The following PASD1 variants were observed in gnomAD, a reference collection of about 807,000 sequenced individuals.
PASD1 encodes circadian clock protein PASD1.
PASD1 carries 13 observed loss-of-function variants against 58.8 expected under a neutral mutation model. That is an observed-to-expected ratio of 0.22 (90% confidence interval 0.14 to 0.35). The LOEUF is 0.35. Ranked by LOEUF, PASD1 falls within the 10% of genes least tolerant of loss-of-function variation. The pLI, the probability that PASD1 is intolerant of heterozygous loss-of-function variation, is 1.00. For synonymous variants in PASD1, 236 were observed against 216.7 expected (o/e 1.09, Z -0.78); for missense variants, 734 against 568.3 (o/e 1.29, Z -2.96).
chrX:151,643,784 T>A (rs2014024969), intron 8 of PASD1, among the ~76,000 whole-genome samples: 1 of 111,520 alleles, frequency 9.0e-6, no homozygotes, highest in Non-Finnish European at 1.9e-5. Flanking sequence ...TTACTGGTTG[T>A]GAACTTATAT....
intron 1 of PASD1, among the ~76,000 whole-genome samples, chrX:151,571,760 T>C (rs2012931043): frequency 8.9e-6 from 1 of 112,117 alleles, no homozygotes; most frequent in Non-Finnish European, 1.9e-5. Flanking sequence ...AAAAACACTC[T>C]CCCCTTTTGA....
At chrX:151,653,760 TTCTTTCTTTCTTTCTTTCTTTCTTTC>T (rs2014172978) in intron 9 of PASD1, among the ~76,000 whole-genome samples, 1 of 2,526 alleles carries the variant, frequency 4.0e-4, no homozygotes, top group Non-Finnish European at 1.7e-3. Context: ...CCTTCTTTCT[TTCTTTCTTTCTTTCTTTCTTTCTTTC>T]TTTCTTTCTT....
intron 8 of PASD1, among the ~76,000 whole-genome samples, chrX:151,638,450 A>G (rs1037426003): frequency 3.6e-5 from 4 of 110,460 alleles, no homozygotes; most frequent in African/African-American, 9.9e-5. Context: ...AAAAAAAAAA[A>G]AAGAAAAGAA....
At chrX:151,566,485 AG>A (rs746947577) in intron 1 of PASD1, among the ~76,000 whole-genome samples, 1 of 111,878 alleles carries the variant, frequency 8.9e-6, no homozygotes, top group African/African-American at 3.2e-5. Flanking sequence ...TGACCAGGTG[AG>A]GGTGGCTATC....
At chrX:151,611,323 T>C (rs1473891487) in intron 3 of PASD1, among the ~76,000 whole-genome samples, 2 of 111,904 alleles carry the variant, frequency 1.8e-5, no homozygotes, top group East Asian at 5.6e-4. Flanking sequence ...CCTTAAAATA[T>C]TTTTAACATT....
chrX:151,599,380 C>T (rs901216701), intron 1 of PASD1, among the ~76,000 whole-genome samples: 3 of 112,807 alleles, frequency 2.7e-5, no homozygotes, highest in African/African-American at 9.6e-5. Context: ...GGACTCCTCA[C>T]TTCCCAGACG....
chrX:151,635,584 GTTAC>G (rs1161752137), intron 8 of PASD1, among the ~76,000 whole-genome samples: 5 of 112,085 alleles, frequency 4.5e-5, no homozygotes, highest in African/African-American at 1.3e-4. Flanking sequence ...CCTCAATATA[GTTAC>G]TTACTTGCTC....
chrX:151,633,329 TACTC>T (rs1420192971), intron 8 of PASD1, among the ~76,000 whole-genome samples: 1 of 111,367 alleles, frequency 9.0e-6, no homozygotes, highest in East Asian at 2.8e-4. Context: ...ACCAGACAGA[TACTC>T]ACATGCTGAC....
chrX:151,656,759 C>G (rs1302970011), intron 9 of PASD1, among the ~76,000 whole-genome samples: 1 of 111,738 alleles, frequency 8.9e-6, no homozygotes, highest in East Asian at 2.8e-4. Flanking sequence ...ACATTTTGGG[C>G]TGAGACGATG....
chrX:151,629,803 G>A (rs2013844243), intron 8 of PASD1, among the ~76,000 whole-genome samples: 2 of 111,758 alleles, frequency 1.8e-5, no homozygotes, highest in East Asian at 2.8e-4. Context: ...TATTTAGCAG[G>A]TTTGGGTAAT....
chrX:151,589,079 A>G (rs1569400331), intron 1 of PASD1, among the ~76,000 whole-genome samples: 1 of 111,752 alleles, frequency 8.9e-6, no homozygotes, highest in East Asian at 2.8e-4. Flanking sequence ...CTTGGTGCTC[A>G]GAAACACTCG....
intron 1 of PASD1, among the ~76,000 whole-genome samples, chrX:151,580,553 G>A (rs1374066318): frequency 1.3e-5 from 1 of 75,632 alleles, no homozygotes; most frequent in Non-Finnish European, 2.5e-5. Flanking sequence ...ATATTATTTT[G>A]GATAGTGATT....
chrX:151,596,777 A>C (rs2013327249), intron 1 of PASD1, among the ~76,000 whole-genome samples: 1 of 112,049 alleles, frequency 8.9e-6, no homozygotes, highest in Admixed American at 9.4e-5. Flanking sequence ...GAAGCTAAAA[A>C]ATTCCTTTAA....
At chrX:151,590,805 T>C (rs1217642640) in intron 1 of PASD1, among the ~76,000 whole-genome samples, 3 of 111,390 alleles carry the variant, frequency 2.7e-5, no homozygotes, top group Non-Finnish European at 5.6e-5. Flanking sequence ...GCTCAAGCTA[T>C]CCTCCTGCCT....
intron 1 of PASD1, chrX:151,578,178 T>C (rs1197197722): frequency 1.8e-5 from 2 of 112,350 alleles, no homozygotes; most frequent in Non-Finnish European, 3.8e-5. Flanking sequence ...AGTGCTGAGA[T>C]GTCTTGTGTC....
intron 9 of PASD1, among the ~76,000 whole-genome samples, chrX:151,655,627 T>C (rs1273871169): frequency 8.9e-6 from 1 of 112,458 alleles, no homozygotes; most frequent in Non-Finnish European, 1.9e-5. Flanking sequence ...TTTTTTCATG[T>C]GTCTTTTGGC....
intron 11 of PASD1, among the ~76,000 whole-genome samples, chrX:151,670,667 T>C (rs937150382): frequency 9.8e-5 from 11 of 112,010 alleles, no homozygotes; most frequent in Admixed American, 1.9e-4. Flanking sequence ...GTTTTCATTA[T>C]TGCATTGCTA....
intron 4 of PASD1, among the ~76,000 whole-genome samples, chrX:151,613,515 C>T (rs994893743): frequency 6.4e-5 from 7 of 109,380 alleles, no homozygotes; most frequent in African/African-American, 2.0e-4. Flanking sequence ...TTGTAGTTCT[C>T]CTTGAAGAGG....
chrX:151,588,277 C>T (rs777019246), intron 1 of PASD1, among the ~76,000 whole-genome samples: 91 of 112,276 alleles, frequency 8.1e-4, no homozygotes, highest in African/African-American at 2.9e-3. Context: ...TTTATAACTA[C>T]AAATATATGA....
Sources: allele counts gnomAD v4.1 joint callset (sites outside exome capture counted in the v4.1 genomes callset), GRCh38; gene constraint gnomAD v4.1.1; transcripts MANE v1.5; gene names NCBI Gene and HGNC (gene_info 2026-07-23, HGNC 2026-07-21).